The following ZNF644 variants were observed in gnomAD, a reference collection of about 807,000 sequenced individuals.
ZNF644 encodes the protein zinc finger motif enhancer binding protein 2.
In ZNF644, 20 loss-of-function variants were observed where a neutral mutation model predicts 108.0. That is an observed-to-expected ratio of 0.19 (90% CI 0.13 to 0.27). The LOEUF is 0.27. Ranked by LOEUF, ZNF644 falls within the 10% of genes least tolerant of loss-of-function variation. The probability of loss-of-function intolerance (pLI) is 1.00; values close to 1 mark genes in which losing one functional copy is unlikely to be tolerated. For synonymous variants in ZNF644, 542 were observed against 539.1 expected (o/e 1.01, Z -0.08); for missense variants, 1,338 against 1,548.9 (o/e 0.86, Z 2.29).
intron 2 of ZNF644, among the ~76,000 whole-genome samples, chr1:90,945,824 A>G (rs551324662): frequency 4.6e-5 from 7 of 152,160 alleles, no homozygotes; most frequent in African/African-American, 1.7e-4. Flanking sequence ...GTAGGTTAAC[A>G]TTTTGTGGGT....
chr1:91,015,292 G>A (rs1660333480), intron 1 of ZNF644, among the ~76,000 whole-genome samples: 1 of 152,066 alleles, frequency 6.6e-6, no homozygotes, highest in Non-Finnish European at 1.5e-5. Context: ...TACCAGCACA[G>A]ACATATACAA....
chr1:90,917,497 GT>G (rs543035829), intron 5 of ZNF644, among the ~76,000 whole-genome samples: 5 of 151,332 alleles, frequency 3.3e-5, no homozygotes, highest in East Asian at 1.9e-4. Flanking sequence ...AGGAAAGCCA[GT>G]TTTTTTTTCT....
intron 4 of ZNF644, among the ~76,000 whole-genome samples, chr1:90,920,045 G>A (rs753543143): frequency 9.9e-5 from 15 of 151,920 alleles, no homozygotes; most frequent in Non-Finnish European, 1.9e-4. Context: ...TTTCCTAATC[G>A]CTTTGGTGAG....
chr1:90,965,802 C>T (rs767079359), intron 2 of ZNF644, among the ~76,000 whole-genome samples: 5 of 152,022 alleles, frequency 3.3e-5, no homozygotes, highest in East Asian at 1.9e-4. Flanking sequence ...CAGGCTGGAA[C>T]GCAGTGGCAT....
intron 4 of ZNF644, chr1:90,935,390 A>T (rs954863509): frequency 2.0e-6 from 2 of 985,892 alleles, no homozygotes; most frequent in African/African-American, 1.7e-5. Flanking sequence ...ACTTGCTGTG[A>T]TATCTGTTCA....
chr1:90,949,658 AT>A (rs1652881144), intron 2 of ZNF644, among the ~76,000 whole-genome samples: 1 of 152,192 alleles, frequency 6.6e-6, no homozygotes, highest in South Asian at 2.1e-4. Flanking sequence ...TATAACAACT[AT>A]TTGGCATTTA....
chr1:90,957,509 T>C (rs1653870650), intron 2 of ZNF644, among the ~76,000 whole-genome samples: 1 of 152,032 alleles, frequency 6.6e-6, no homozygotes, highest in South Asian at 2.1e-4. Flanking sequence ...ATCACATTAA[T>C]AGAACAAAGA....
chr1:90,930,786 CATT>C (rs1245155346), intron 4 of ZNF644, among the ~76,000 whole-genome samples: 1 of 152,158 alleles, frequency 6.6e-6, no homozygotes, highest in Non-Finnish European at 1.5e-5. Context: ...CTGCTACCAT[CATT>C]GTTTCTTCTT....
At chr1:90,989,446 G>A (rs1423122142) in intron 1 of ZNF644, among the ~76,000 whole-genome samples, 1 of 152,174 alleles carries the variant, frequency 6.6e-6, no homozygotes, top group African/African-American at 2.4e-5. Context: ...GAGAGGCTGA[G>A]GTGGGAGGAT....
rs1347214529 is a variant in ZNF644, at chr1:90,938,029, A to G, written c.3144T>C (p.Asp1048=). 1 of 1,610,740 alleles carries G rather than the reference A, an allele frequency of 6.2e-7. No homozygotes were observed. The part of the protein sequence containing the change: ...HTCQLCGGWF[D]TKIGLSNHVR... ...CATGATTTGATAATCCAATTTTAGT[A>G]TCAAACCAACCACCACAGAGCTGAC... The change falls in exon 4 of 6, where the codon GAT becomes GAC. Residue 1048 remains aspartate (D), a synonymous_variant. Coordinates refer to ENST00000337393, the MANE Select transcript of ZNF644 (RefSeq NM_201269.3). This position sits in a 1 kb window ranked among gnomAD's most constrained non-coding sequence, Gnocchi z 4.2.
At position 90,938,582 on chromosome 1, in the gene ZNF644, A is replaced by C. The variant is rs1324094749; in HGVS notation, c.2772T>G (p.Thr924=). Residue 924 remains threonine, a synonymous_variant, in exon 3 of 6, where the codon ACT becomes ACG. Coordinates refer to ENST00000337393, the MANE Select transcript of ZNF644 (RefSeq NM_201269.3). This position sits in a 1 kb window ranked among gnomAD's most constrained non-coding sequence, Gnocchi z 4.2. ...TCTCATGCAAAAAGTTGTTACTTCCAGTATCTTCATAGTATTCAAAATAAA... is the reference window on the plus strand; with the variant it reads ...TCTCATGCAAAAAGTTGTTACTTCCCGTATCTTCATAGTATTCAAAATAAA... The part of the protein sequence containing the change: ...DGFYFEYYED[T]GSNNFLHEIH... 1 of 1,613,766 alleles carries C rather than the reference A, an allele frequency of 6.2e-7. No individual in the cohort carries two copies. The highest frequency in any genetic ancestry group is 8.5e-7 in the Non-Finnish European group (1 of 1,179,862).
At chr1:90,978,543 G>A (rs1334812011) in intron 2 of ZNF644, among the ~76,000 whole-genome samples, 4 of 152,118 alleles carry the variant, frequency 2.6e-5, no homozygotes, top group African/African-American at 9.7e-5. Flanking sequence ...CTGAAGTACA[G>A]AGAGGTTAAG....
chr1:91,000,593 T>C (rs1005210321), intron 1 of ZNF644, among the ~76,000 whole-genome samples: 2 of 151,730 alleles, frequency 1.3e-5, no homozygotes, highest in African/African-American at 4.8e-5. Flanking sequence ...GCAGGAAAGA[T>C]CTAAAATTGA....
chr1:91,006,687 C>A (rs1286204368), intron 1 of ZNF644, among the ~76,000 whole-genome samples: 4 of 152,042 alleles, frequency 2.6e-5, no homozygotes, highest in Admixed American at 1.3e-4. Flanking sequence ...CCAAGCTGAA[C>A]TGATTACTCT....
chr1:90,919,468 A>G (rs749018737), intron 4 of ZNF644, among the ~76,000 whole-genome samples: 3 of 152,182 alleles, frequency 2.0e-5, no homozygotes, highest in East Asian at 1.9e-4. Flanking sequence ...AATGGCAATG[A>G]TAACAGAAAT....
At chr1:90,959,996 T>C (rs1017059204) in intron 2 of ZNF644, among the ~76,000 whole-genome samples, 2 of 152,180 alleles carry the variant, frequency 1.3e-5, no homozygotes, top group African/African-American at 4.8e-5. Context: ...ATAATCCCTT[T>C]GTCCAGTGTA....
intron 1 of ZNF644, among the ~76,000 whole-genome samples, chr1:91,010,182 A>C (rs891265368): frequency 3.3e-4 from 50 of 151,964 alleles, no homozygotes; most frequent in Non-Finnish European, 6.2e-4. Context: ...TATGCATTTA[A>C]AATAGACTCT....
At chr1:90,951,734 T>A (rs903787150) in intron 2 of ZNF644, among the ~76,000 whole-genome samples, 3 of 152,180 alleles carry the variant, frequency 2.0e-5, no homozygotes, top group African/African-American at 7.2e-5. Flanking sequence ...GCAATATATT[T>A]ATTTACTGTG....
intron 2 of ZNF644, among the ~76,000 whole-genome samples, chr1:90,975,055 A>G (rs1349600789): frequency 6.6e-6 from 1 of 152,106 alleles, no homozygotes; most frequent in Non-Finnish European, 1.5e-5. Flanking sequence ...ATTAATCACC[A>G]ACAGTTCCTC....
Sources: allele counts gnomAD v4.1 joint callset (sites outside exome capture counted in the v4.1 genomes callset), GRCh38; gene constraint gnomAD v4.1.1; non-coding constraint Gnocchi (gnomAD v3.1); transcripts MANE v1.5; gene names NCBI Gene and HGNC (gene_info 2026-07-23, HGNC 2026-07-21).